SEL1L3: variants seen among roughly 807,000 people sequenced by gnomAD.
SEL1L3 encodes the protein protein sel-1 homolog 3.
Under a neutral mutation model 142.8 loss-of-function variants are expected in SEL1L3, and 76 were observed. The observed-to-expected ratio is 0.53, with a 90% CI of 0.44 to 0.64. The LOEUF (loss-of-function observed/expected upper bound fraction) is 0.64. Among genes scored for constraint, SEL1L3 ranks in the 30% least tolerant of loss-of-function variants. The probability of loss-of-function intolerance (pLI) is 0.00; values close to 1 mark genes in which losing one functional copy is unlikely to be tolerated. For missense variants in SEL1L3, 1,262 were observed against 1,381.7 expected (o/e 0.91, Z 1.37); for synonymous variants, 504 against 519.6 (o/e 0.97, Z 0.41).
At chr4:25,757,935 A>T in intron 21 of SEL1L3, 145 bp from the exon 22 acceptor site, 1 of 639,448 alleles carries the variant, frequency 1.6e-6, no homozygotes, top group Non-Finnish European at 2.8e-6. Flanking sequence ...GAGACAAAGA[A>T]ATAAAGCCAG....
At chr4:25,714,273 ATTTT>A in the SEL1L3 span, among the ~76,000 whole-genome samples, 3 of 152,096 alleles carry the variant, frequency 2.0e-5, no homozygotes, top group African/African-American at 7.2e-5. Flanking sequence ...GAAGATGATC[ATTTT>A]CTATGTGAAA....
intron 23 of SEL1L3, among the ~76,000 whole-genome samples, chr4:25,753,148 T>C (rs1717710902): frequency 6.6e-6 from 1 of 152,252 alleles, no homozygotes; most frequent in Non-Finnish European, 1.5e-5. Flanking sequence ...GCCTTCTGAA[T>C]GCAGGACAAT....
chr4:25,724,788 G>GC, the SEL1L3 span, among the ~76,000 whole-genome samples: 1 of 127,012 alleles, frequency 7.9e-6, no homozygotes, highest in African/African-American at 2.8e-5. Flanking sequence ...GAAATTAAAA[G>GC]GAAAAAAGAA....
Position 25,802,306 on chromosome 4 carries a change from G to C in SEL1L3, c.1933C>G (p.Gln645Glu), listed in dbSNP as rs1267827048. ...ACCTGATCTCCTTGCAGTGTGTGCT[G>C]GTCAAGGGGTGTCTTGGTGGCAATG... ...SNIATKTPLD[Q>E]HTLQGDQAYV... Residue 645 changes from glutamine to glutamate, a missense_variant, in exon 11 of 24, where the codon CAG becomes GAG. Transcript: ENST00000399878. The C allele has an allele frequency of 6.2e-7, 1 of 1,613,570 alleles. No individual in the cohort carries two copies. Among genetic ancestry groups the C allele is most frequent in the Non-Finnish European group, 8.5e-7 (1 of 1,179,760 alleles).
chr4:25,824,057 G>C (rs888588284), intron 6 of SEL1L3, among the ~76,000 whole-genome samples: 3 of 152,190 alleles, frequency 2.0e-5, no homozygotes, highest in Middle Eastern at 3.2e-3. Context: ...TTCAGCTCCT[G>C]ATATTTTTCT....
chr4:25,840,982 C>T (rs1305072311), intron 2 of SEL1L3, among the ~76,000 whole-genome samples: 1 of 152,086 alleles, frequency 6.6e-6, no homozygotes, highest in East Asian at 1.9e-4. Context: ...TTATGCCTTC[C>T]CCTCTGCCTG....
chr4:25,727,783 G>A, the SEL1L3 span, among the ~76,000 whole-genome samples: 1 of 152,174 alleles, frequency 6.6e-6, no homozygotes, highest in African/African-American at 2.4e-5. Flanking sequence ...GACACCTGGG[G>A]TGCATCCCAG....
intron 13 of SEL1L3, among the ~76,000 whole-genome samples, chr4:25,787,234 A>G (rs1255077237): frequency 6.6e-6 from 1 of 152,224 alleles, no homozygotes; most frequent in Admixed American, 6.5e-5. Flanking sequence ...TAATACACCA[A>G]GGTACCAACC....
intron 9 of SEL1L3, among the ~76,000 whole-genome samples, chr4:25,808,292 C>G (rs1423453914): frequency 1.3e-5 from 2 of 152,150 alleles, no homozygotes; most frequent in Non-Finnish European, 2.9e-5. Flanking sequence ...GCGCCCAAAG[C>G]TAAGGAACAA....
intron 23 of SEL1L3, 132 bp from the exon 24 acceptor site, chr4:25,748,696 G>A (rs541856102): frequency 1.2e-6 from 1 of 839,784 alleles, no homozygotes; most frequent in Admixed American, 2.9e-5. Flanking sequence ...AACTAGCCAG[G>A]CAACTCTGGA....
chr4:25,807,292 T>C (rs1713656036), intron 9 of SEL1L3, among the ~76,000 whole-genome samples: 1 of 152,204 alleles, frequency 6.6e-6, no homozygotes, highest in Non-Finnish European at 1.5e-5. Context: ...ACATTTCCAC[T>C]TCCCTCTGCT....
the SEL1L3 span, among the ~76,000 whole-genome samples, chr4:25,735,543 TA>T: frequency 6.6e-6 from 1 of 151,352 alleles, no homozygotes; most frequent in Non-Finnish European, 1.5e-5. Context: ...CTCTTTTCTT[TA>T]TTATATTTTC....
At position 25,804,737 on chromosome 4, in the gene SEL1L3, T is replaced by C; in HGVS notation, c.1580A>G (p.Asn527Ser). ...CCCACCGATTTCTGATACAGATTCA[T>C]TTTGGTTCCTTGGCACTGTAAATAA... ...MDLLTVPRNQ[N>S]ESVSEIGGKI... Residue 527 changes from asparagine to serine, a missense_variant, in exon 10 of 24, where the codon AAT becomes AGT. This residue lies in a region of SEL1L3 where 689 missense variants were observed against 692.8 expected (regional missense o/e 0.99). Transcript: ENST00000399878. 6.2e-7 allele frequency: 1 copy of C among 1,612,614 alleles called. No individual in the cohort carries two copies. Among genetic ancestry groups the C allele is most frequent in the Non-Finnish European group, 8.5e-7 (1 of 1,178,934 alleles).
At chr4:25,836,773 A>G (rs1715849293) in intron 2 of SEL1L3, among the ~76,000 whole-genome samples, 1 of 152,184 alleles carries the variant, frequency 6.6e-6, no homozygotes. Context: ...TTTATGTGCA[A>G]TCCATCAAAC....
rs115327985 is a variant in SEL1L3 at position 25,788,918 on chromosome 4, C to A, written c.2077-554G>T. Among the ~76,000 whole-genome samples the A allele has an allele frequency of 4.7e-3, 723 of 152,258 alleles. 3 individuals carry two copies. Among genetic ancestry groups the A allele is most frequent in the Middle Eastern group, 0.017 (5 of 294 alleles). On this transcript the variant is annotated intron_variant, in intron 12 of 23. Transcript: ENST00000399878. This position sits in a 1 kb window ranked among gnomAD's most constrained non-coding sequence, Gnocchi z 5.3. Reference sequence around the variant, plus strand: ...AGCCCCCCAACCCAGCAGAGCTCAGCAGGTCATAGAAGCTGCTGAACAAAG... The same window carrying A: ...AGCCCCCCAACCCAGCAGAGCTCAGAAGGTCATAGAAGCTGCTGAACAAAG...
chr4:25,801,844 T>C (rs985977779), intron 11 of SEL1L3, among the ~76,000 whole-genome samples: 6 of 152,168 alleles, frequency 3.9e-5, no homozygotes, highest in African/African-American at 1.2e-4. Flanking sequence ...CCTGTGTCCA[T>C]TGTAGACATT....
chr4:25,829,795 C>T (rs1715322491), intron 6 of SEL1L3, among the ~76,000 whole-genome samples: 1 of 152,112 alleles, frequency 6.6e-6, no homozygotes, highest in Admixed American at 6.5e-5. Context: ...CAGAATCCTT[C>T]ATAGAAGATA....
the SEL1L3 span, among the ~76,000 whole-genome samples, chr4:25,739,144 G>C: frequency 3.3e-5 from 5 of 152,290 alleles, no homozygotes; most frequent in East Asian, 9.6e-4. Context: ...GGGAGGCAGA[G>C]GTTGCAGTGA....
At position 25,786,752 on chromosome 4, in the gene SEL1L3, C is replaced by T. The variant is rs114770786; in HGVS notation, c.2217+1472G>A. Reference sequence around the variant, plus strand: ...GGAATGGATGCTTATTGAACAAACACATGAATGCATTCACATATGGCTCAG... The same window carrying T: ...GGAATGGATGCTTATTGAACAAACATATGAATGCATTCACATATGGCTCAG... On this transcript the variant is annotated intron_variant, in intron 13 of 23. Coordinates refer to ENST00000399878, the MANE Select transcript of SEL1L3 (RefSeq NM_015187.5). Among the ~76,000 whole-genome samples the T allele has an allele frequency of 2.7e-3, 410 of 152,332 alleles. 1 individual carries two copies. Among genetic ancestry groups the T allele is most frequent in the African/African-American group, 9.2e-3 (384 of 41,572 alleles).
Sources: allele counts gnomAD v4.1 joint callset (sites outside exome capture counted in the v4.1 genomes callset), GRCh38; gene constraint gnomAD v4.1.1; regional missense constraint gnomAD v4.1.1; non-coding constraint Gnocchi (gnomAD v3.1); transcripts MANE v1.5; gene names NCBI Gene and HGNC (gene_info 2026-07-23, HGNC 2026-07-21).